Variants in JMJD6 observed in about 807,000 individuals in gnomAD.
JMJD6 encodes jumonji domain containing 6, arginine demethylase and lysine hydroxylase, also known as bifunctional arginine demethylase and lysyl-hydroxylase JMJD6.
JMJD6 carries 17 observed loss-of-function variants against 45.8 expected under a neutral mutation model. That is an observed-to-expected ratio of 0.37 (90% CI 0.25 to 0.56). The LOEUF (loss-of-function observed/expected upper bound fraction) is 0.56. Ranked by LOEUF, JMJD6 falls within the 20% of genes least tolerant of loss-of-function variation. The pLI is 0.79. For missense variants in JMJD6, 470 were observed against 517.5 expected (o/e 0.91, Z 0.89); for synonymous variants, 221 against 196.3 (o/e 1.13, Z -1.05).
rs753300866 is a variant in JMJD6 at position 76,725,491 on chromosome 17, C to T, written c.494G>A (p.Gly165Glu). The T allele has an allele frequency of 1.2e-6, 2 of 1,613,654 alleles. No individual in the cohort carries two copies. Among genetic ancestry groups the T allele is most frequent in the Non-Finnish European group, 1.7e-6 (2 of 1,179,860 alleles). ...CCTGTAAGGGGGCCTGCGCTTCTCC[C>T]CAGCATACTGGAAAAGGTCATCAGT... Reference protein sequence around the residue: ...FFTDDLFQYAGEKRRPPYRWF... With the variant: ...FFTDDLFQYAEEKRRPPYRWF... The change falls in exon 2 of 6, where the codon GGG (glycine) becomes GAG (glutamate). Residue 165 changes from glycine (G) to glutamate (E), a missense_variant. By Grantham distance (98) the Gly-to-Glu change is moderately conservative. Transcript: ENST00000397625.
intron 2 of JMJD6, among the ~76,000 whole-genome samples, chr17:76,724,877 T>C (rs1225456198): frequency 4.6e-5 from 7 of 152,078 alleles, no homozygotes; most frequent in Non-Finnish European, 1.5e-5. Flanking sequence ...TGCTGGACTT[T>C]ATTAAAACCT....
chr17:76,726,015 C>G (rs896565676), intron 1 of JMJD6, among the ~76,000 whole-genome samples, 160 bp from the exon 2 acceptor site: 1 of 152,230 alleles, frequency 6.6e-6, no homozygotes, highest in Non-Finnish European at 1.5e-5. Context: ...GAGGCCACGT[C>G]GTTCCTAGAG....
intron 2 of JMJD6, among the ~76,000 whole-genome samples, chr17:76,724,670 A>G (rs911950715): frequency 7.3e-5 from 11 of 151,686 alleles, no homozygotes; most frequent in Admixed American, 2.6e-4. Context: ...TACAAAAATT[A>G]GCCGGGTGTG....
chr17:76,714,259 C>T (rs1162303813), downstream of JMJD6: 1 of 152,222 alleles, frequency 6.6e-6, no homozygotes, highest in Non-Finnish European at 1.5e-5. Context: ...CTCTCTCCCA[C>T]TCTGGTCCTT....
Position 76,721,809 on chromosome 17 carries a change from C to T in JMJD6, c.930G>A (p.Arg310=). 1 of 1,614,008 alleles carries T rather than the reference C, an allele frequency of 6.2e-7. No individual in the cohort carries two copies. The highest frequency in any genetic ancestry group is 8.5e-7 in the Non-Finnish European group (1 of 1,179,974). Residue 310 remains arginine (R), a synonymous_variant, in exon 4 of 6, where the codon AGG becomes AGA. Transcript: ENST00000397625. ...AAAATGACTCTCACCTATACCATTT[C>T]CTTGATAACTTTGGTCTCCCTCTTA... The part of the protein sequence containing the change: ...KTVRGRPKLS[R]KWYRILKQEH...
At position 76,725,807 on chromosome 17, in the gene JMJD6, C is replaced by A. The variant is rs564527090; in HGVS notation, c.178G>T (p.Val60Leu). 6.2e-7 allele frequency: 1 copy of A among 1,613,682 alleles called. No homozygotes were observed. The highest frequency in any genetic ancestry group is 1.3e-5 in the African/African-American group (1 of 74,874). The change falls in exon 2 of 6, where the codon GTG (valine) becomes TTG (leucine). Residue 60 changes from valine (V) to leucine (L), a missense_variant. Val to Leu is a conservative substitution (Grantham distance 32). Transcript: ENST00000397625. ...TTGTAAGGTCTTTCATACCGCTCCA[C>A]AAATTCTTCCACAGACAGCTGTAAA... ...DALQLSVEEF[V>L]ERYERPYKPV...
rs1598384939 is a variant in JMJD6 at position 76,725,366 on chromosome 17, A to G, written c.518+101T>C. On this transcript the variant is annotated intron_variant, in intron 2 of 5. Coordinates refer to ENST00000397625, the MANE Select transcript of JMJD6 (RefSeq NM_015167.3). ...GGTTGCTGTGAGCCGAGATCGCACC[A>G]CGGCACTGCAGCCTGGGCTACAAGA... The G allele has an allele frequency of 8.7e-6, 10 of 1,153,330 alleles. No individual in the cohort carries two copies. The South Asian group carries it at 1.5e-4, about 17-fold the overall frequency. The allele number at this position is 1,153,330 out of a possible 1,614,324, so 71.4% of individuals were successfully genotyped here.
At chr17:76,725,446 C>T (rs1459739520) in intron 2 of JMJD6, 21 bp downstream of exon 2, 3 of 1,396,512 alleles carry the variant, frequency 2.1e-6, no homozygotes, top group Admixed American at 2.2e-5. Context: ...ATTTTAACCA[C>T]TTAGCTGCAG....
In JMJD6 at chr17:76,726,449, G is replaced by T; in HGVS notation, c.27C>A (p.Ile9=). 1 of 1,603,616 alleles carries T rather than the reference G, an allele frequency of 6.2e-7. No individual in the cohort carries two copies. The highest frequency in any genetic ancestry group is 1.7e-5 in the Admixed American group (1 of 59,308). Residue 9 remains isoleucine, a synonymous_variant, in exon 1 of 6, where the codon ATC becomes ATA. Transcript: ENST00000397625. MNHKSKKR[I]REAKRSARPE... ...GCCGCGCACTCCGCTTGGCCTCGCG[G>T]ATGCGCTTCTTGCTCTTGTGGTTCA...
chr17:76,717,053 A>G (rs1243211841), downstream of JMJD6, among the ~76,000 whole-genome samples: 2 of 152,184 alleles, frequency 1.3e-5, no homozygotes, highest in African/African-American at 4.8e-5. Context: ...GCTAAACCAC[A>G]GAGAATGGAG....
At position 76,718,508 on chromosome 17, in the gene JMJD6, C is replaced by G. The variant is rs2143719538; in HGVS notation, c.*221G>C. ...TAAAGGATTTTCTTGGCACTATTCA[C>G]ATTCTCTTGCCTGAGTAAAACAAGC... On this transcript the variant is annotated 3_prime_UTR_variant, in exon 6 of 6. Transcript: ENST00000397625. 4 of 1,345,970 alleles carry G rather than the reference C, an allele frequency of 3.0e-6. No individual in the cohort carries two copies. In the South Asian group the frequency reaches 6.0e-5, roughly 20 times the overall value. 83.4% of individuals were successfully genotyped at this position (1,345,970 alleles called of 1,614,324 possible). A position where few individuals can be genotyped will look rare whatever the true frequency, so the allele number is the denominator to read the frequency against.
intron 3 of JMJD6, 77 bp from the exon 4 acceptor site, chr17:76,722,010 TG>T (rs1188409416): frequency 6.6e-7 from 1 of 1,504,338 alleles, no homozygotes; most frequent in Non-Finnish European, 9.1e-7. Flanking sequence ...CACCAGAAAT[TG>T]GGAACTCCTA....
intron 4 of JMJD6, 78 bp from the exon 5 acceptor site, chr17:76,720,576 G>A: frequency 6.8e-7 from 1 of 1,459,942 alleles, no homozygotes; most frequent in Non-Finnish European, 9.5e-7. Context: ...GTCGAGGCCT[G>A]TGTCTCTCAG....
At position 76,726,443 on chromosome 17, in the gene JMJD6, C is replaced by G. The variant is rs748413893; in HGVS notation, c.33G>C (p.Glu11Asp). 1.2e-6 allele frequency: 2 copies of G among 1,603,772 alleles called. No homozygotes were observed. Among genetic ancestry groups the G allele is most frequent in the Admixed American group, 1.7e-5 (1 of 59,338 alleles). The change falls in exon 1 of 6, where the codon GAG (glutamate) becomes GAC (aspartate). Residue 11 changes from glutamate to aspartate, a missense_variant. Glu to Asp is a conservative substitution (Grantham distance 45, BLOSUM62 2). This residue lies in a region of JMJD6 where 346 missense variants were observed against 339.5 expected (regional missense o/e 1.02). Coordinates refer to ENST00000397625, the MANE Select transcript of JMJD6 (RefSeq NM_015167.3). ...GCTCCGGCCGCGCACTCCGCTTGGC[C>G]TCGCGGATGCGCTTCTTGCTCTTGT... MNHKSKKRIR[E>D]AKRSARPELK...
downstream of JMJD6, chr17:76,716,822 G>A (rs552226135): frequency 4.1e-5 from 50 of 1,233,024 alleles, no homozygotes; most frequent in South Asian, 4.5e-4. Flanking sequence ...GGGACCCCAC[G>A]TGGAAGTCAT....
chr17:76,724,570 A>G (rs959848882), intron 2 of JMJD6, among the ~76,000 whole-genome samples: 1 of 152,104 alleles, frequency 6.6e-6, no homozygotes, highest in Non-Finnish European at 1.5e-5. Context: ...TAATCCCAGC[A>G]CTTTGGGAGG....
At chr17:76,721,211 G>GC (rs2076820131) in intron 4 of JMJD6, 2 of 319,056 alleles carry the variant, frequency 6.3e-6, no homozygotes, top group Admixed American at 6.6e-5. Flanking sequence ...ACCCTTACTG[G>GC]CCCTCTCAGC....
At position 76,726,493 on chromosome 17, in the gene JMJD6, T is replaced by C. The variant is rs767600969; in HGVS notation, c.-18A>G. ...TGGTTCATTCTGCGGGGTCGCCAGCTGGTTCCGCTACGACCTCGGCGCAGC... is the reference window on the plus strand; with the variant it reads ...TGGTTCATTCTGCGGGGTCGCCAGCCGGTTCCGCTACGACCTCGGCGCAGC... On this transcript the variant is annotated 5_prime_UTR_variant, in exon 1 of 6. Coordinates refer to ENST00000397625, the MANE Select transcript of JMJD6 (RefSeq NM_015167.3). 7 of 1,585,060 alleles carry C rather than the reference T, an allele frequency of 4.4e-6. No individual in the cohort carries two copies. The highest frequency in any genetic ancestry group is 6.0e-6 in the Non-Finnish European group (7 of 1,166,346).
downstream of JMJD6, chr17:76,714,467 G>A (rs1360103509): frequency 6.6e-6 from 1 of 152,190 alleles, no homozygotes; most frequent in Non-Finnish European, 1.5e-5. Context: ...TGGTCTCTGG[G>A]TACCCACTCT....
Sources: allele counts gnomAD v4.1 joint callset (sites outside exome capture counted in the v4.1 genomes callset), GRCh38; gene constraint gnomAD v4.1.1; regional missense constraint gnomAD v4.1.1; transcripts MANE v1.5; gene names NCBI Gene and HGNC (gene_info 2026-07-23, HGNC 2026-07-21).